PRLR: variants seen among roughly 807,000 people sequenced by gnomAD.
PRLR encodes hPRL receptor.
In PRLR, 13 loss-of-function variants were observed where a neutral mutation model predicts 40.2. The observed-to-expected ratio is 0.32, with a 90% CI of 0.21 to 0.51. PRLR has a LOEUF of 0.51. PRLR is among the 20% of genes least tolerant of loss of function. PRLR has a pLI of 0.97. For synonymous variants in PRLR, 269 were observed against 278.7 expected, an observed-to-expected ratio of 0.97 and a Z score of 0.35; for missense variants, 656 against 747.3, an observed-to-expected ratio of 0.88 and a Z score of 1.42.
chr5:35,227,946 C>T (rs1604428), intron 1 of PRLR, among the ~76,000 whole-genome samples: 5,607 of 152,278 alleles, frequency 0.037, 152 homozygotes, highest in Middle Eastern at 0.082. Flanking sequence ...ACATACTTTA[C>T]TTGCCGGCAA....
intron 1 of PRLR, among the ~76,000 whole-genome samples, chr5:35,163,324 CTT>C (rs1774730573): frequency 6.6e-6 from 1 of 152,302 alleles, no homozygotes; most frequent in Admixed American, 6.5e-5. Context: ...TCCTACCACA[CTT>C]TGCTGTTATT....
chr5:35,085,357 G>A (rs1330337741), intron 4 of PRLR, among the ~76,000 whole-genome samples: 2 of 152,226 alleles, frequency 1.3e-5, no homozygotes, highest in Non-Finnish European at 2.9e-5. Context: ...ACAAAGTGCA[G>A]TCATTGGAAA....
intron 1 of PRLR, among the ~76,000 whole-genome samples, chr5:35,146,157 G>A (rs1370180839): frequency 6.6e-6 from 1 of 152,150 alleles, no homozygotes; most frequent in Admixed American, 6.5e-5. Flanking sequence ...AGTCCTTGTA[G>A]GCATTTGATT....
chr5:35,189,067 G>A (rs1429158097), intron 1 of PRLR, among the ~76,000 whole-genome samples: 1 of 152,098 alleles, frequency 6.6e-6, no homozygotes, highest in Non-Finnish European at 1.5e-5. Context: ...CTTATAAAAA[G>A]GGGAAATTTG....
chr5:35,140,946 A>G (rs545437641), intron 1 of PRLR, among the ~76,000 whole-genome samples: 1 of 152,318 alleles, frequency 6.6e-6, no homozygotes, highest in East Asian at 1.9e-4. Flanking sequence ...CTCCCCTCCT[A>G]CATCTAGGGG....
intron 2 of PRLR, among the ~76,000 whole-genome samples, chr5:35,101,566 C>G (rs1359692371): frequency 6.6e-6 from 1 of 152,044 alleles, no homozygotes; most frequent in Non-Finnish European, 1.5e-5. Context: ...CTTCAACTAG[C>G]AAGGCAATAA....
intron 1 of PRLR, among the ~76,000 whole-genome samples, chr5:35,136,887 C>T (rs979218666): frequency 3.3e-5 from 5 of 150,936 alleles, no homozygotes; most frequent in South Asian, 2.1e-4. Flanking sequence ...AATTCCCACT[C>T]GATGTTTATG....
intron 1 of PRLR, among the ~76,000 whole-genome samples, chr5:35,175,566 A>C (rs1333658702): frequency 1.3e-5 from 2 of 152,204 alleles, no homozygotes; most frequent in Non-Finnish European, 2.9e-5. Flanking sequence ...TCTGCTAAGC[A>C]AGGAGGAAAA....
At chr5:35,136,712 G>T (rs929693291) in intron 1 of PRLR, among the ~76,000 whole-genome samples, 1 of 152,038 alleles carries the variant, frequency 6.6e-6, no homozygotes, top group Non-Finnish European at 1.5e-5. Flanking sequence ...CAACCTCACC[G>T]GCTCCCACTT....
At chr5:35,215,852 AATCCTGTCTCT>A (rs1776272925) in intron 1 of PRLR, among the ~76,000 whole-genome samples, 1 of 148,754 alleles carries the variant, frequency 6.7e-6, no homozygotes, top group Non-Finnish European at 1.5e-5. Flanking sequence ...AACATGGTGA[AATCCTGTCTCT>A]ACTAAAAAAA....
chr5:35,143,699 A>G (rs1579726437), intron 1 of PRLR, among the ~76,000 whole-genome samples: 1 of 152,244 alleles, frequency 6.6e-6, no homozygotes, highest in Non-Finnish European at 1.5e-5. Flanking sequence ...AATGAATGAA[A>G]GAATTACTGA....
rs59813376 is a variant in PRLR, at chr5:35,083,524, C to CTTTTT, written c.373+941_373+945dup. On this transcript the variant is annotated intron_variant, in intron 5 of 9. Coordinates refer to ENST00000618457, the MANE Select transcript of PRLR (RefSeq NM_000949.7). ...ACATTTAAATTCTTTCTTTTCTTTT[C>CTTTTT]TTTTTTTTTTTTTGATGTGGAGTCT... Among the ~76,000 whole-genome samples the CTTTTT allele has an allele frequency of 3.5e-4, 48 of 136,428 alleles. 1 individual carries two copies. The highest frequency in any genetic ancestry group is 1.3e-3 in the African/African-American group (48 of 36,518). The allele number at this position is 136,428 out of a possible 152,430, so 89.5% of individuals were successfully genotyped here. A position where few individuals can be genotyped will look rare whatever the true frequency, so the allele number is the denominator to read the frequency against.
intron 5 of PRLR, among the ~76,000 whole-genome samples, chr5:35,073,468 T>G (rs953977260): frequency 5.3e-5 from 8 of 152,202 alleles, no homozygotes; most frequent in Non-Finnish European, 7.3e-5. Context: ...CTGTATAAAA[T>G]ACTATCTCTG....
intron 1 of PRLR, among the ~76,000 whole-genome samples, chr5:35,188,862 C>T (rs1230370761): frequency 6.6e-6 from 1 of 152,146 alleles, no homozygotes; most frequent in Non-Finnish European, 1.5e-5. Flanking sequence ...CAGGAGTTAA[C>T]TCATTTACTT....
At chr5:35,104,200 T>A (rs1772076918) in intron 2 of PRLR, among the ~76,000 whole-genome samples, 1 of 152,154 alleles carries the variant, frequency 6.6e-6, no homozygotes, top group African/African-American at 2.4e-5. Context: ...TCCGTCCACA[T>A]GTAGGGCACA....
intron 2 of PRLR, among the ~76,000 whole-genome samples, chr5:35,117,495 G>T (rs147480014): frequency 6.6e-6 from 1 of 152,248 alleles, no homozygotes; most frequent in East Asian, 1.9e-4. Context: ...AAATGGAGTC[G>T]TAATACTTCA....
intron 1 of PRLR, among the ~76,000 whole-genome samples, chr5:35,146,922 T>G (rs1259584261): frequency 6.6e-6 from 1 of 152,044 alleles, no homozygotes; most frequent in Non-Finnish European, 1.5e-5. Context: ...CTAATTGGGT[T>G]GGGAACAGGA....
chr5:35,185,703 C>A (rs932835089), intron 1 of PRLR, among the ~76,000 whole-genome samples: 1 of 152,210 alleles, frequency 6.6e-6, no homozygotes, highest in African/African-American at 2.4e-5. Context: ...TCTATCTATA[C>A]ACACAAACTG....
intron 4 of PRLR, among the ~76,000 whole-genome samples, chr5:35,085,699 A>G (rs944414839): frequency 6.6e-6 from 1 of 152,238 alleles, no homozygotes; most frequent in East Asian, 1.9e-4. Flanking sequence ...TTATTTTGCA[A>G]AAGTGACATG....
Sources: gnomAD v4.1 joint callset for allele counts (sites outside exome capture counted in the v4.1 genomes callset) on GRCh38, gnomAD v4.1.1 for gene constraint, MANE v1.5 for transcripts, NCBI Gene and HGNC (gene_info 2026-07-23, HGNC 2026-07-21) for gene names.